PARD3B: variants seen among roughly 807,000 people sequenced by gnomAD.
PARD3B encodes partitioning defective 3 homolog B.
A neutral mutation model predicts 130.2 loss-of-function variants in PARD3B; 103 were observed. That is an observed-to-expected ratio of 0.79 (90% confidence interval 0.67 to 0.93). The LOEUF (loss-of-function observed/expected upper bound fraction) is 0.93, where lower values mean the gene tolerates loss of function less well. Ranked by LOEUF, PARD3B falls within the 40% of genes least tolerant of loss-of-function variation. PARD3B has a pLI of 0.00. For missense variants in PARD3B, 1,609 were observed against 1,499.2 expected (o/e 1.07, Z -1.21); for synonymous variants, 583 against 553.2 (o/e 1.05, Z -0.76).
chr2:204,999,949 C>T (rs549994231), intron 3 of PARD3B, among the ~76,000 whole-genome samples: 1 of 151,826 alleles, frequency 6.6e-6, no homozygotes, highest in East Asian at 1.9e-4. Flanking sequence ...AGGGTATTTC[C>T]AGTTCTTTGA....
chr2:205,073,092 G>A lies in PARD3B; in HGVS notation c.504+25402G>A, dbSNP rs560574239. ...AACATTATTAGCAAAAAGCCAGTTAGTTGAAAATAAAGAACTAAGATTTTG... is the reference window on the plus strand; with the variant it reads ...AACATTATTAGCAAAAAGCCAGTTAATTGAAAATAAAGAACTAAGATTTTG... On this transcript the variant is annotated intron_variant, in intron 4 of 22. Coordinates refer to ENST00000406610, the MANE Select transcript of PARD3B (RefSeq NM_001302769.2). Among the ~76,000 whole-genome samples, 99 of 152,226 alleles carry A rather than the reference G, an allele frequency of 6.5e-4. No individual in the cohort carries two copies. The South Asian group carries it at 0.02, about 31-fold the overall frequency.
chr2:205,607,004 C>G (rs2055024277), intron 22 of PARD3B, among the ~76,000 whole-genome samples: 1 of 152,130 alleles, frequency 6.6e-6, no homozygotes, highest in Admixed American at 6.5e-5. Flanking sequence ...TCAATTGATT[C>G]TTAGTGATGC....
intron 15 of PARD3B, among the ~76,000 whole-genome samples, chr2:205,202,447 C>T (rs947220051): frequency 6.6e-6 from 1 of 152,148 alleles, no homozygotes. Context: ...TGTATTCATT[C>T]TTACTACTAT....
At chr2:205,100,536 T>C (rs1702701555) in intron 4 of PARD3B, among the ~76,000 whole-genome samples, 1 of 152,022 alleles carries the variant, frequency 6.6e-6, no homozygotes, top group African/African-American at 2.4e-5. Context: ...AAAGCAATCT[T>C]GAAAAATAAG....
chr2:204,704,778 T>C (rs912779236), intron 2 of PARD3B, among the ~76,000 whole-genome samples: 1 of 152,146 alleles, frequency 6.6e-6, no homozygotes, highest in Non-Finnish European at 1.5e-5. Flanking sequence ...TCTTATATAT[T>C]GAGAATATTT....
At chr2:204,885,305 G>A (rs753322823) in intron 2 of PARD3B, among the ~76,000 whole-genome samples, 8 of 152,040 alleles carry the variant, frequency 5.3e-5, no homozygotes, top group South Asian at 2.1e-4. Context: ...CATGTCCTTT[G>A]CCCACTTTTT....
At chr2:205,235,685 G>A (rs1054561391) in intron 15 of PARD3B, among the ~76,000 whole-genome samples, 1 of 152,156 alleles carries the variant, frequency 6.6e-6, no homozygotes, top group African/African-American at 2.4e-5. Context: ...GATGGCACAA[G>A]ATTTCATCAC....
At chr2:205,295,035 A>G (rs999836994) in intron 16 of PARD3B, among the ~76,000 whole-genome samples, 1 of 152,194 alleles carries the variant, frequency 6.6e-6, no homozygotes, top group African/African-American at 2.4e-5. Flanking sequence ...ATTTGCAATG[A>G]TATCAAGTAA....
Position 205,078,457 on chromosome 2 carries a change from A to C in PARD3B, c.505-25969A>C, listed in dbSNP as rs1701206174. 6.6e-6 allele frequency among the ~76,000 whole-genome samples: 1 copy of C among 152,210 alleles called. No individual in the cohort carries two copies. The highest frequency in any genetic ancestry group is 1.5e-5 in the Non-Finnish European group (1 of 68,034). On this transcript the variant is annotated intron_variant, in intron 4 of 22. Transcript: ENST00000406610. This position sits in a 1 kb window ranked among gnomAD's most constrained non-coding sequence, Gnocchi z 4.0. ...TTTTCCTGAGTAATTCTGTCTCTTAATGAATGCTACTTAATCCATTAGGGT... is the reference window on the plus strand; with the variant it reads ...TTTTCCTGAGTAATTCTGTCTCTTACTGAATGCTACTTAATCCATTAGGGT...
intron 2 of PARD3B, among the ~76,000 whole-genome samples, chr2:204,697,089 T>C (rs1238302182): frequency 1.3e-5 from 2 of 152,114 alleles, no homozygotes; most frequent in African/African-American, 2.4e-5. Context: ...TATACTTGTG[T>C]AAAAGTTGAA....
At position 205,238,847 on chromosome 2, in the gene PARD3B, A is replaced by T. The variant is rs867014145; in HGVS notation, c.2141-6931A>T. Among the ~76,000 whole-genome samples, 10 of 73,574 alleles carry T rather than the reference A, an allele frequency of 1.4e-4. No homozygotes were observed. The South Asian group carries it at 2.1e-3, about 15-fold the overall frequency. The allele number at this position is 73,574 out of a possible 152,430, so 48.3% of individuals were successfully genotyped here. A position where few individuals can be genotyped will look rare whatever the true frequency, so the allele number is the denominator to read the frequency against. ...AAAAACTCCGTTTCAAAAAAAAAAA[A>T]AAATATATATATATATATATATATA... On this transcript the variant is annotated intron_variant, in intron 15 of 22. Transcript: ENST00000406610.
intron 20 of PARD3B, among the ~76,000 whole-genome samples, chr2:205,497,311 A>G (rs1330670661): frequency 2.6e-5 from 4 of 151,760 alleles, no homozygotes; most frequent in Admixed American, 1.3e-4. Flanking sequence ...GAAGCCCAGA[A>G]CCCTGTGCGA....
At chr2:205,075,391 A>C (rs1225058144) in intron 4 of PARD3B, among the ~76,000 whole-genome samples, 3 of 152,152 alleles carry the variant, frequency 2.0e-5, no homozygotes, top group Non-Finnish European at 4.4e-5. Flanking sequence ...ACAATGATTA[A>C]ATTCTCCCGT....
At position 205,553,351 on chromosome 2, in the gene PARD3B, G is replaced by A; in HGVS notation, c.3208G>A (p.Ala1070Thr). The A allele has an allele frequency of 1.2e-6, 2 of 1,614,048 alleles. No homozygotes were observed. The highest frequency in any genetic ancestry group is 2.2e-5 in the South Asian group (2 of 91,082). ...WVPGRGPDGN[A>T]HNLRFEGMER... ...GCCTGGAAGGGGTCCAGATGGGAAT[G>A]CACACAACCTCCGCTTTGAAGGGAT... The change falls in exon 22 of 23, where the codon GCA becomes ACA. Residue 1070 changes from alanine to threonine, a missense_variant. Transcript: ENST00000406610.
rs1431210450 is a variant in PARD3B at position 205,562,165 on chromosome 2, G to A, written c.3260+8762G>A. 6.6e-6 allele frequency among the ~76,000 whole-genome samples: 1 copy of A among 152,156 alleles called. No homozygotes were observed. Among genetic ancestry groups the A allele is most frequent in the African/African-American group, 2.4e-5 (1 of 41,446 alleles). On this transcript the variant is annotated intron_variant, in intron 22 of 22. Coordinates refer to ENST00000406610, the MANE Select transcript of PARD3B (RefSeq NM_001302769.2). The surrounding 1 kb of genome is among the most constrained non-coding windows in gnomAD (Gnocchi z 5.4). ...AATGCTACTGCCACCTCATTTTTAT[G>A]TCACTTAGTTCCTCAGATAAAAGTC...
intron 2 of PARD3B, among the ~76,000 whole-genome samples, chr2:204,953,749 A>G (rs913513485): frequency 3.3e-5 from 5 of 152,230 alleles, no homozygotes; most frequent in Admixed American, 2.0e-4. Flanking sequence ...TTTTGGGTCC[A>G]GTCCTAATTT....
chr2:205,186,524 AAACT>A (rs2036109135), intron 14 of PARD3B, among the ~76,000 whole-genome samples: 1 of 152,208 alleles, frequency 6.6e-6, no homozygotes, highest in Non-Finnish European at 1.5e-5. Context: ...TGGCTGTTAG[AAACT>A]GTGTATTTTA....
intron 16 of PARD3B, among the ~76,000 whole-genome samples, chr2:205,260,949 C>G (rs1386624712): frequency 6.7e-6 from 1 of 149,682 alleles, no homozygotes; most frequent in Admixed American, 6.6e-5. Context: ...CATTGTGTCC[C>G]CTCCCAAGCT....
intron 18 of PARD3B, among the ~76,000 whole-genome samples, chr2:205,378,908 G>A (rs761297250): frequency 1.7e-4 from 26 of 151,828 alleles, no homozygotes; most frequent in Non-Finnish European, 3.5e-4. Context: ...GGGATTACAG[G>A]TGTGAGCCAC....
Sources: gnomAD v4.1 joint callset for allele counts (sites outside exome capture counted in the v4.1 genomes callset) on GRCh38, gnomAD v4.1.1 for gene constraint, Gnocchi (gnomAD v3.1) non-coding constraint, MANE v1.5 for transcripts, NCBI Gene and HGNC (gene_info 2026-07-23, HGNC 2026-07-21) for gene names.